POLK: variants seen among roughly 807,000 people sequenced by gnomAD.
The protein encoded by POLK is polymerase (DNA directed) kappa.
Under a neutral mutation model 94.0 loss-of-function variants are expected in POLK, and 76 were observed. That is an observed-to-expected ratio of 0.81 (90% CI 0.67 to 0.98). The LOEUF (loss-of-function observed/expected upper bound fraction) is 0.98, where lower values mean the gene tolerates loss of function less well. POLK is among the 50% of genes least tolerant of loss of function. POLK has a pLI of 0.00. For missense variants in POLK, 954 were observed against 1,010.1 expected (o/e 0.94, Z 0.75); for synonymous variants, 349 against 325.4 (o/e 1.07, Z -0.78).
At chr5:75,546,080 C>A (rs5744585) in intron 1 of POLK, among the ~76,000 whole-genome samples, 47 of 152,224 alleles carry the variant, frequency 3.1e-4, no homozygotes, top group South Asian at 2.3e-3. Context: ...GGACCCTGCC[C>A]ACACACAATC....
rs1772140657 is a variant in POLK, at chr5:75,580,548, C to A, written c.695-661C>A. ...TCTCTTTTTCTTAAACTTGGATTAT[C>A]CAATCAGACCTTCAGAATTTGTATA... On this transcript the variant is annotated intron_variant, in intron 6 of 14. Transcript: ENST00000241436. 14 of 803,940 alleles carry A rather than the reference C, an allele frequency of 1.7e-5. No homozygotes were observed. In the South Asian group the frequency reaches 7.4e-4, roughly 43 times the overall value. The allele number at this position is 803,940 out of a possible 1,614,324, so 49.8% of individuals were successfully genotyped here. A position where few individuals can be genotyped will look rare whatever the true frequency, so the allele number is the denominator to read the frequency against.
intron 3 of POLK, among the ~76,000 whole-genome samples, chr5:75,565,795 T>A (rs1051059630): frequency 1.3e-5 from 2 of 152,198 alleles, no homozygotes; most frequent in African/African-American, 2.4e-5. Context: ...GCTGGAGCTC[T>A]CCTGTATGAG....
At chr5:75,593,366 G>A (rs1212186648) in intron 11 of POLK, among the ~76,000 whole-genome samples, 1 of 152,008 alleles carries the variant, frequency 6.6e-6, no homozygotes, top group Admixed American at 6.6e-5. Flanking sequence ...TCCTGACCTC[G>A]TGATCCGCCC....
chr5:75,537,796 G>T (rs1339999746), intron 1 of POLK, among the ~76,000 whole-genome samples: 1 of 151,826 alleles, frequency 6.6e-6, no homozygotes, highest in African/African-American at 2.4e-5. Flanking sequence ...TATTTTAGTA[G>T]TGTTAGAAAA....
At position 75,552,458 on chromosome 5, in the gene POLK, G is replaced by C; in HGVS notation, c.136-14G>C. On this transcript the variant is annotated splice_polypyrimidine_tract_variant and intron_variant, in intron 2 of 14. Coordinates refer to ENST00000241436, the Ensembl canonical transcript of POLK. ...AGACATTTTTCTTATGCTTTGTTTT[G>C]TTTTCCTCCATAGGGGTCCAGATTT... 2 of 1,604,468 alleles carry C rather than the reference G, an allele frequency of 1.2e-6. No individual in the cohort carries two copies. Among genetic ancestry groups the C allele is most frequent in the Non-Finnish European group, 1.7e-6 (2 of 1,176,748 alleles).
intron 7 of POLK, chr5:75,582,564 T>C (rs1772245251): frequency 6.6e-6 from 1 of 152,206 alleles, no homozygotes; most frequent in African/African-American, 2.4e-5. Context: ...TTTATGTGGA[T>C]AATCTACGCA....
intron 1 of POLK, chr5:75,535,009 C>T (rs562787587): frequency 6.6e-6 from 1 of 152,246 alleles, no homozygotes; most frequent in South Asian, 2.1e-4. Flanking sequence ...TGTTGTTAGT[C>T]GGTTATTATG....
exon 13 of POLK, chr5:75,596,828 A>T (rs909375643): frequency 1.5e-5 from 24 of 1,612,144 alleles, no homozygotes; most frequent in Non-Finnish European, 1.9e-5. Flanking sequence ...AACTCATCTA[A>T]AGCAGAAAGC....
intron 3 of POLK, among the ~76,000 whole-genome samples, chr5:75,568,307 G>T (rs1244272990): frequency 6.6e-6 from 1 of 152,100 alleles, no homozygotes; most frequent in African/African-American, 2.4e-5. Flanking sequence ...GCTTTCTTAT[G>T]ATTTTTACTT....
rs1196290504 is a variant in POLK at position 75,523,713 on chromosome 5, T to G, written c.-14+11799T>G. 1.3e-5 allele frequency among the ~76,000 whole-genome samples: 2 copies of G among 152,224 alleles called. 1 individual carries two copies. ...GAAGCCTTGGAAAGCCTTGGGTTTT[T>G]TTGTTGGTTTGTTTTTCACTTGAGA... is the stretch of plus-strand genomic sequence containing the variant. On this transcript the variant is annotated intron_variant, in intron 1 of 14. Transcript: ENST00000241436.
In POLK at chr5:75,568,424, G is replaced by A. The variant is rs138503948; in HGVS notation, c.256-916G>A. ...GTGAGTATTTAGCCTTTCTTGCCTTGATAGTGGAGGCCGGCCACAAAAATG... is the reference window on the plus strand; with the variant it reads ...GTGAGTATTTAGCCTTTCTTGCCTTAATAGTGGAGGCCGGCCACAAAAATG... On this transcript the variant is annotated intron_variant, in intron 3 of 14. Transcript: ENST00000241436. 2.1e-3 allele frequency among the ~76,000 whole-genome samples: 317 copies of A among 152,242 alleles called. 1 individual carries two copies. The East Asian group carries it at 0.027, about 13-fold the overall frequency.
At chr5:75,556,621 T>C (rs554573937) in intron 3 of POLK, among the ~76,000 whole-genome samples, 1 of 152,328 alleles carries the variant, frequency 6.6e-6, no homozygotes, top group African/African-American at 2.4e-5. Context: ...TCTTATGTTA[T>C]CTTCTAGGAA....
chr5:75,608,777 G>A, the POLK span: 2 of 152,198 alleles, frequency 1.3e-5, no homozygotes, highest in African/African-American at 4.8e-5. Flanking sequence ...GCAAAGGGAG[G>A]AAATAGAAGC....
chr5:75,547,150 C>A, exon 2 of POLK: 1 of 1,532,000 alleles, frequency 6.5e-7, no homozygotes, highest in Non-Finnish European at 8.9e-7. Context: ...ATAATGGAAG[C>A]CACGAAGGTA....
At chr5:75,556,240 T>A (rs961524995) in intron 3 of POLK, among the ~76,000 whole-genome samples, 2 of 152,234 alleles carry the variant, frequency 1.3e-5, no homozygotes, top group African/African-American at 4.8e-5. Flanking sequence ...ATTGTTGTTT[T>A]AATTTGCATT....
intron 1 of POLK, among the ~76,000 whole-genome samples, chr5:75,525,670 G>A (rs1036705504): frequency 3.3e-5 from 5 of 152,138 alleles, no homozygotes; most frequent in African/African-American, 9.7e-5. Context: ...CATACATAGA[G>A]GAACAACAAT....
At chr5:75,585,303 C>A (rs993764925) in intron 9 of POLK, among the ~76,000 whole-genome samples, 4 of 152,172 alleles carry the variant, frequency 2.6e-5, no homozygotes, top group Admixed American at 6.5e-5. Flanking sequence ...CTTCGAAAGC[C>A]TTAAACTACA....
intron 2 of POLK, 147 bp from the exon 3 acceptor site, chr5:75,552,325 T>G (rs967371077): frequency 1.7e-6 from 1 of 605,304 alleles, no homozygotes; most frequent in African/African-American, 1.9e-5. Context: ...TAAATAATTT[T>G]AGGGTCACCT....
intron 4 of POLK, among the ~76,000 whole-genome samples, chr5:75,571,174 C>T (rs1771571205): frequency 6.6e-6 from 1 of 152,082 alleles, no homozygotes; most frequent in Admixed American, 6.6e-5. Context: ...TATATTTAAA[C>T]AAAGATTACC....
Sources: allele counts gnomAD v4.1 joint callset (sites outside exome capture counted in the v4.1 genomes callset), GRCh38; gene constraint gnomAD v4.1.1; transcripts MANE v1.5; gene names NCBI Gene and HGNC (gene_info 2026-07-23, HGNC 2026-07-21).